ARFIP1: variants seen among roughly 807,000 people sequenced by gnomAD.
ARFIP1 encodes the protein arfaptin-1.
In ARFIP1, 24 loss-of-function variants were observed where a neutral mutation model predicts 42.5. The ratio of observed to expected loss-of-function variants is 0.57; its 90% CI spans 0.41 to 0.80. ARFIP1 has a LOEUF of 0.80. Ranked by LOEUF, ARFIP1 falls within the 30% of genes least tolerant of loss-of-function variation. The probability of loss-of-function intolerance (pLI) is 0.00; values close to 1 mark genes in which losing one functional copy is unlikely to be tolerated. For missense variants in ARFIP1, 354 were observed against 434.0 expected (o/e 0.82, Z 1.64); for synonymous variants, 141 against 153.7 (o/e 0.92, Z 0.61).
chr4:152,880,073 G>A (rs977960280), intron 5 of ARFIP1, among the ~76,000 whole-genome samples: 23 of 152,200 alleles, frequency 1.5e-4, no homozygotes, highest in African/African-American at 5.1e-4. Context: ...TGAGCACAAC[G>A]GCTCACGCCT....
At chr4:152,862,740 G>A (rs919838293) in intron 2 of ARFIP1, among the ~76,000 whole-genome samples, 39 of 152,238 alleles carry the variant, frequency 2.6e-4, no homozygotes, top group African/African-American at 8.4e-4. Flanking sequence ...CTTCATTTCA[G>A]TTTGATTTCT....
At chr4:152,834,660 C>G (rs1208171135) in intron 2 of ARFIP1, among the ~76,000 whole-genome samples, 1 of 152,236 alleles carries the variant, frequency 6.6e-6, no homozygotes, top group Non-Finnish European at 1.5e-5. Flanking sequence ...TTGGGCAGCT[C>G]TGCCCCAGCC....
intron 1 of ARFIP1, among the ~76,000 whole-genome samples, chr4:152,780,828 A>C (rs1006053532): frequency 5.9e-5 from 9 of 152,142 alleles, no homozygotes; most frequent in Non-Finnish European, 1.2e-4. Flanking sequence ...AAAAGGAAAT[A>C]ATTTTTTAAA....
chr4:152,884,166 T>A (rs1736083597), intron 7 of ARFIP1, among the ~76,000 whole-genome samples: 1 of 152,060 alleles, frequency 6.6e-6, no homozygotes, highest in South Asian at 2.1e-4. Flanking sequence ...TATGAGATTC[T>A]TATTGACTTG....
chr4:152,795,820 A>ATTGTTTTTTTTTTTT (rs1731416747), intron 1 of ARFIP1, among the ~76,000 whole-genome samples: 1 of 28,066 alleles, frequency 3.6e-5, no homozygotes, highest in Non-Finnish European at 6.2e-5. Flanking sequence ...GGCCCTTGTA[A>ATTGTTTTTTTTTTTT]TTTTTTTTTT....
At chr4:152,841,638 C>T (rs1732084157) in intron 2 of ARFIP1, among the ~76,000 whole-genome samples, 1 of 152,126 alleles carries the variant, frequency 6.6e-6, no homozygotes, top group Non-Finnish European at 1.5e-5. Flanking sequence ...ATCTTTCCTT[C>T]ATATATGATA....
chr4:152,781,939 G>A (rs1013863906), intron 1 of ARFIP1, among the ~76,000 whole-genome samples: 5 of 152,198 alleles, frequency 3.3e-5, no homozygotes, highest in African/African-American at 1.2e-4. Context: ...CCCCCCTGGG[G>A]AAAGTGTCCA....
At chr4:152,874,141 A>G (rs1735126421) in intron 5 of ARFIP1, among the ~76,000 whole-genome samples, 2 of 152,034 alleles carry the variant, frequency 1.3e-5, no homozygotes, top group Admixed American at 6.6e-5. Context: ...CTATGTGTTT[A>G]TGTGTTATTA....
intron 1 of ARFIP1, among the ~76,000 whole-genome samples, chr4:152,813,100 T>C (rs571240596): frequency 6.6e-6 from 1 of 152,092 alleles, no homozygotes; most frequent in Non-Finnish European, 1.5e-5. Context: ...CAACCTTGGA[T>C]TGAAAATATT....
At chr4:152,789,782 C>A (rs1378394091) in intron 1 of ARFIP1, among the ~76,000 whole-genome samples, 4 of 152,144 alleles carry the variant, frequency 2.6e-5, no homozygotes, top group African/African-American at 9.7e-5. Context: ...TAGTTGGTTC[C>A]TGTATTCCTT....
chr4:152,843,186 T>G (rs925190364), intron 2 of ARFIP1, among the ~76,000 whole-genome samples: 5 of 152,136 alleles, frequency 3.3e-5, no homozygotes, highest in African/African-American at 7.2e-5. Flanking sequence ...ATTTTTGTCT[T>G]TCTTCTGGGT....
At chr4:152,814,234 G>C (rs1166845610) in intron 1 of ARFIP1, among the ~76,000 whole-genome samples, 2 of 151,788 alleles carry the variant, frequency 1.3e-5, no homozygotes, top group African/African-American at 4.8e-5. Context: ...GAGACCACAG[G>C]TGCGCACCAC....
At chr4:152,880,311 T>TA (rs1197587378) in intron 5 of ARFIP1, among the ~76,000 whole-genome samples, 9 of 150,910 alleles carry the variant, frequency 6.0e-5, no homozygotes, top group Non-Finnish European at 3.0e-5. Flanking sequence ...CCACTGCACT[T>TA]CATCCAGCCT....
chr4:152,823,776 C>CAAAA (rs66556811), intron 1 of ARFIP1, among the ~76,000 whole-genome samples: 2 of 63,142 alleles, frequency 3.2e-5, no homozygotes, highest in African/African-American at 6.6e-5. Flanking sequence ...GTCTCCATCT[C>CAAAA]AAAAAAAAAA....
intron 1 of ARFIP1, among the ~76,000 whole-genome samples, chr4:152,789,735 C>T (rs1256296267): frequency 6.6e-6 from 1 of 152,088 alleles, no homozygotes; most frequent in Non-Finnish European, 1.5e-5. Context: ...TACTTTGTTG[C>T]TCAAATTGTT....
At chr4:152,790,029 C>T (rs1731057775) in intron 1 of ARFIP1, among the ~76,000 whole-genome samples, 1 of 152,158 alleles carries the variant, frequency 6.6e-6, no homozygotes, top group African/African-American at 2.4e-5. Flanking sequence ...GTCATTGCTT[C>T]TAGGCCCTCC....
At chr4:152,855,246 T>C (rs1487993073) in intron 2 of ARFIP1, among the ~76,000 whole-genome samples, 1 of 152,026 alleles carries the variant, frequency 6.6e-6, no homozygotes, top group Non-Finnish European at 1.5e-5. Flanking sequence ...TGGGCAATGC[T>C]GTGGCCCCCA....
At chr4:152,780,869 T>A (rs1252079967) in intron 1 of ARFIP1, among the ~76,000 whole-genome samples, 3 of 152,214 alleles carry the variant, frequency 2.0e-5, no homozygotes, top group African/African-American at 7.2e-5. Context: ...CGTTTTTCCC[T>A]TTTACTTTAT....
intron 1 of ARFIP1, among the ~76,000 whole-genome samples, chr4:152,804,066 AAT>A (rs1231726153): frequency 4.4e-5 from 5 of 114,442 alleles, no homozygotes; most frequent in East Asian, 4.7e-4. Flanking sequence ...TATAACATGT[AAT>A]ATATATTATA....
Sources: allele counts gnomAD v4.1 joint callset (sites outside exome capture counted in the v4.1 genomes callset), GRCh38; gene constraint gnomAD v4.1.1; transcripts MANE v1.5; gene names NCBI Gene and HGNC (gene_info 2026-07-23, HGNC 2026-07-21).